WDR72: variants seen among roughly 807,000 people sequenced by gnomAD.
WDR72 encodes the protein WD repeat-containing protein 72.
In WDR72, 120 loss-of-function variants were observed where a neutral mutation model predicts 124.2. That is an observed-to-expected ratio of 0.97 (90% CI 0.83 to 1.12). The LOEUF (loss-of-function observed/expected upper bound fraction) is 1.12. Among genes scored for constraint, WDR72 ranks in the 50% most tolerant of loss-of-function variants. The pLI is 0.00. For synonymous variants in WDR72, 452 were observed against 441.7 expected (o/e 1.02, Z -0.29); for missense variants, 1,387 against 1,278.8 (o/e 1.08, Z -1.29).
intron 2 of WDR72, among the ~76,000 whole-genome samples, chr15:53,729,941 T>G (rs768379740): frequency 6.6e-6 from 1 of 152,136 alleles, no homozygotes; most frequent in Non-Finnish European, 1.5e-5. Context: ...TCCATAAATA[T>G]GTACAAAATT....
intron 18 of WDR72, among the ~76,000 whole-genome samples, chr15:53,555,470 G>T (rs76695954): frequency 6.6e-6 from 1 of 152,004 alleles, no homozygotes; most frequent in Non-Finnish European, 1.5e-5. Context: ...AAGCATTTTG[G>T]ATAAAGAATA....
chr15:53,654,543 C>T (rs1443862152), intron 14 of WDR72, among the ~76,000 whole-genome samples: 3 of 152,146 alleles, frequency 2.0e-5, no homozygotes, highest in Non-Finnish European at 4.4e-5. Context: ...AAAAAAACAT[C>T]AAGTTGTGGC....
At chr15:53,717,840 T>C (rs1216786766) in intron 3 of WDR72, among the ~76,000 whole-genome samples, 1 of 152,122 alleles carries the variant, frequency 6.6e-6, no homozygotes, top group Non-Finnish European at 1.5e-5. Flanking sequence ...ATATCCAGCC[T>C]CATTCCAAAA....
intron 1 of WDR72, among the ~76,000 whole-genome samples, chr15:53,734,086 G>A (rs1479753374): frequency 6.6e-6 from 1 of 152,122 alleles, no homozygotes; most frequent in Non-Finnish European, 1.5e-5. Flanking sequence ...CACCAAAAGT[G>A]TAAATACCAA....
In WDR72 at chr15:53,712,656, T is replaced by C. The variant is rs938978197; in HGVS notation, c.711+116A>G. The stretch of plus-strand genomic sequence containing the variant: ...ATAAAAGACACATCATTCCATGTTC[T>C]GGTAATACTATTACAGAGAATTTGT... On this transcript the variant is annotated intron_variant, in intron 7 of 19. Transcript: ENST00000360509. 3.7e-6 allele frequency: 4 copies of C among 1,078,850 alleles called. No individual in the cohort carries two copies. The East Asian group carries it at 1.0e-4, about 28-fold the overall frequency. The allele number at this position is 1,078,850 out of a possible 1,614,324, so 66.8% of individuals were successfully genotyped here. A position where few individuals can be genotyped will look rare whatever the true frequency, so the allele number is the denominator to read the frequency against.
intron 19 of WDR72, 91 bp from the exon 20 acceptor site, chr15:53,517,845 TGAA>T: frequency 8.4e-7 from 1 of 1,187,674 alleles, no homozygotes; most frequent in East Asian, 2.4e-5. Context: ...AGAGAGGAAA[TGAA>T]GAATAGATAC....
At chr15:53,609,124 A>G (rs997698166) in intron 17 of WDR72, among the ~76,000 whole-genome samples, 6 of 152,144 alleles carry the variant, frequency 3.9e-5, no homozygotes, top group Admixed American at 3.3e-4. Flanking sequence ...ATAAATATAT[A>G]TGACCACTAT....
At position 53,515,156 on chromosome 15, in the gene WDR72, G is replaced by C. The variant is rs1891394284; in HGVS notation, c.*2543C>G. 8.4e-6 allele frequency: 1 copy of C among 118,536 alleles called. No individual in the cohort carries two copies. The highest frequency in any genetic ancestry group is 2.9e-5 in the African/African-American group (1 of 34,130). 7.3% of individuals were successfully genotyped at this position (118,536 alleles called of 1,614,324 possible). On this transcript the variant is annotated 3_prime_UTR_variant, in exon 20 of 20. Coordinates refer to ENST00000360509, the MANE Select transcript of WDR72 (RefSeq NM_182758.4). ...GATGATTACCAAAAAAGAAACACAAGACAAAATTTTTAAATAAATTTTTTA... is the reference window on the plus strand; with the variant it reads ...GATGATTACCAAAAAAGAAACACAACACAAAATTTTTAAATAAATTTTTTA...
chr15:53,624,460 C>A (rs946010937), intron 14 of WDR72, among the ~76,000 whole-genome samples: 2 of 152,126 alleles, frequency 1.3e-5, no homozygotes, highest in African/African-American at 4.8e-5. Context: ...ACCTAGATCT[C>A]CTCAACTTCT....
intron 6 of WDR72, 89 bp from the exon 7 acceptor site, chr15:53,712,980 GA>G: frequency 6.9e-7 from 1 of 1,451,262 alleles, no homozygotes; most frequent in Non-Finnish European, 9.5e-7. Context: ...ATCTCAAGTA[GA>G]TCACACCATT....
chr15:53,543,834 TACAAACTACC>T (rs1315682946), intron 18 of WDR72, among the ~76,000 whole-genome samples: 1 of 152,022 alleles, frequency 6.6e-6, no homozygotes, highest in Non-Finnish European at 1.5e-5. Context: ...CCCACAGAAA[TACAAACTACC>T]ATCAGAGTAC....
intron 12 of WDR72, among the ~76,000 whole-genome samples, chr15:53,701,557 TCTCACA>T (rs1567036476): frequency 1.8e-5 from 2 of 112,332 alleles, no homozygotes; most frequent in Non-Finnish European, 2.0e-5. Flanking sequence ...TCTCTCTCTC[TCTCACA>T]CACACACACA....
chr15:53,646,177 A>G (rs2015034934), intron 14 of WDR72, among the ~76,000 whole-genome samples: 1 of 152,052 alleles, frequency 6.6e-6, no homozygotes, highest in Non-Finnish European at 1.5e-5. Context: ...TTTCTTTTAC[A>G]CTCTCAGATA....
chr15:53,547,867 A>G (rs1407393449), intron 18 of WDR72, among the ~76,000 whole-genome samples: 1 of 152,188 alleles, frequency 6.6e-6, no homozygotes, highest in African/African-American at 2.4e-5. Flanking sequence ...AAATTAATTC[A>G]TTGTTTCTGC....
chr15:53,710,360 C>T (rs2017498397), intron 9 of WDR72, among the ~76,000 whole-genome samples: 1 of 147,866 alleles, frequency 6.8e-6, no homozygotes, highest in Admixed American at 6.9e-5. Context: ...CGTATACACA[C>T]ACACACACAC....
At chr15:53,638,580 CTTTTT>C (rs3081298) in intron 14 of WDR72, among the ~76,000 whole-genome samples, 13 of 125,834 alleles carry the variant, frequency 1.0e-4, no homozygotes, top group Non-Finnish European at 1.5e-4. Flanking sequence ...TAATCACATT[CTTTTT>C]TTTTTTTTTT....
intron 14 of WDR72, among the ~76,000 whole-genome samples, chr15:53,621,999 G>A (rs564362508): frequency 2.0e-5 from 3 of 152,080 alleles, no homozygotes; most frequent in South Asian, 2.1e-4. Context: ...GAAGACATTC[G>A]TGTGGTCAAT....
chr15:53,616,638 G>C (rs1178492499), intron 14 of WDR72, among the ~76,000 whole-genome samples: 1 of 151,834 alleles, frequency 6.6e-6, no homozygotes, highest in African/African-American at 2.4e-5. Context: ...AATTTATTAA[G>C]TATTTTAACA....
At chr15:53,743,755 T>A (rs990720501) in intron 1 of WDR72, among the ~76,000 whole-genome samples, 1 of 151,942 alleles carries the variant, frequency 6.6e-6, no homozygotes, top group Admixed American at 6.6e-5. Flanking sequence ...GATGGGTGGA[T>A]CACAAGGTCA....
Sources: allele counts gnomAD v4.1 joint callset (sites outside exome capture counted in the v4.1 genomes callset), GRCh38; gene constraint gnomAD v4.1.1; transcripts MANE v1.5; gene names NCBI Gene and HGNC (gene_info 2026-07-23, HGNC 2026-07-21).